The following B4GALT3 variants were observed in gnomAD, a reference collection of about 807,000 sequenced individuals.
B4GALT3 encodes the protein beta-1,4-galactosyltransferase 3.
B4GALT3 carries 29 observed loss-of-function variants against 40.7 expected under a neutral mutation model. The observed-to-expected ratio is 0.71, with a 90% confidence interval of 0.53 to 0.97. The LOEUF (loss-of-function observed/expected upper bound fraction) is 0.97, where lower values mean the gene tolerates loss of function less well. Ranked by LOEUF, B4GALT3 falls within the 50% of genes least tolerant of loss-of-function variation. The pLI is 0.00. For synonymous variants in B4GALT3, 182 were observed against 203.9 expected (o/e 0.89, Z 0.92); for missense variants, 390 against 522.3 (o/e 0.75, Z 2.47).
rs1435844224 is a variant in B4GALT3 at position 161,175,234 on chromosome 1, G to A, written c.254-6C>T. 6.2e-7 allele frequency: 1 copy of A among 1,610,116 alleles called. No homozygotes were observed. The highest frequency in any genetic ancestry group is 8.5e-7 in the Non-Finnish European group (1 of 1,177,658). On this transcript the variant is annotated splice_polypyrimidine_tract_variant and splice_region_variant and intron_variant, in intron 3 of 7. Coordinates refer to ENST00000319769, the MANE Select transcript of B4GALT3 (RefSeq NM_003779.4). ...GGACACCGACACAGGACCCACTGTT[G>A]GGAAGGAATGGCAAGTAGAGGGATC...
At chr1:161,176,374 T>C (rs1663521112) in intron 2 of B4GALT3, 60 bp downstream of exon 2, 1 of 464,720 alleles carries the variant, frequency 2.2e-6, no homozygotes, top group African/African-American at 2.0e-5. Context: ...CTCATGTTCA[T>C]TTCAGAAAGT....
At chr1:161,177,028 G>A (rs1663808467) in intron 1 of B4GALT3, 1 of 1,536,026 alleles carries the variant, frequency 6.5e-7, no homozygotes, top group Non-Finnish European at 8.7e-7. Context: ...GGAGCTCGGC[G>A]GAGAGTAGGG....
chr1:161,174,925 T>C, intron 4 of B4GALT3, 68 bp downstream of exon 4: 1 of 1,505,668 alleles, frequency 6.6e-7, no homozygotes, highest in South Asian at 1.1e-5. Flanking sequence ...TAGATGAAAG[T>C]GAAGTGGCAT....
chr1:161,171,696 C>A lies in B4GALT3; in HGVS notation c.*120G>T. The A allele has an allele frequency of 2.8e-6, 4 of 1,418,600 alleles. No individual in the cohort carries two copies. The highest frequency in any genetic ancestry group is 3.8e-6 in the Non-Finnish European group (4 of 1,043,920). 87.9% of individuals were successfully genotyped at this position (1,418,600 alleles called of 1,614,324 possible). ...GCAGTGAGGGAGAGGCCCCTACCCCCTAGCACGGCACCAGAGTTCAGTTCC... is the reference window on the plus strand; with the variant it reads ...GCAGTGAGGGAGAGGCCCCTACCCCATAGCACGGCACCAGAGTTCAGTTCC... On this transcript the variant is annotated 3_prime_UTR_variant, in exon 8 of 8. Coordinates refer to ENST00000319769, the MANE Select transcript of B4GALT3 (RefSeq NM_003779.4).
intron 6 of B4GALT3, 45 bp from the exon 7 acceptor site, chr1:161,172,376 A>G: frequency 6.5e-7 from 1 of 1,530,184 alleles, no homozygotes; most frequent in Non-Finnish European, 8.9e-7. Context: ...GAGTAGAGAA[A>G]AGCAAGGAAG....
chr1:161,176,735 A>AC, intron 1 of B4GALT3, 156 bp from the exon 2 acceptor site: 1 of 817,142 alleles, frequency 1.2e-6, no homozygotes, highest in Non-Finnish European at 1.9e-6. Context: ...CTCCCGTGCT[A>AC]CCCTGGAATG....
chr1:161,176,237 A>G (rs1663467642), intron 2 of B4GALT3, 163 bp from the exon 3 acceptor site: 1 of 786,482 alleles, frequency 1.3e-6, no homozygotes, highest in African/African-American at 1.7e-5. Flanking sequence ...AGGAAACAGA[A>G]TGTAACCACC....
upstream of B4GALT3, chr1:161,177,895 A>G (rs74414593): frequency 7.9e-5 from 12 of 152,338 alleles, no homozygotes; most frequent in African/African-American, 2.9e-4. Flanking sequence ...CTTAGTATCA[A>G]TTGTTCCTTA....
rs113974201 is a variant in B4GALT3, at chr1:161,174,095, G to A, written c.490-46C>T. 9.9e-5 allele frequency: 157 copies of A among 1,580,748 alleles called. 1 individual carries two copies. Among genetic ancestry groups the A allele is most frequent in the African/African-American group, 2.6e-4 (19 of 74,290 alleles). On this transcript the variant is annotated intron_variant, in intron 4 of 7. Coordinates refer to ENST00000319769, the MANE Select transcript of B4GALT3 (RefSeq NM_003779.4). ...ACCAGACTATGTCTGTAGGTGGCACGGAGAAAAGGGGGCTAAAGAATAAAA... is the reference window on the plus strand; with the variant it reads ...ACCAGACTATGTCTGTAGGTGGCACAGAGAAAAGGGGGCTAAAGAATAAAA...
rs1164682535 is a variant in B4GALT3 at position 161,177,461 on chromosome 1, G to C, written c.-199C>G. The C allele has an allele frequency of 5.8e-6, 1 of 173,650 alleles. No homozygotes were observed. The highest frequency in any genetic ancestry group is 2.4e-5 in the African/African-American group (1 of 42,108). The allele number at this position is 173,650 out of a possible 1,614,324, so 10.8% of individuals were successfully genotyped here. On this transcript the variant is annotated 5_prime_UTR_variant, in exon 1 of 8. Coordinates refer to ENST00000319769, the MANE Select transcript of B4GALT3 (RefSeq NM_003779.4). ...GCCTGTCGTCACCGCCACCCCAACA[G>C]CCGGGCAGGCATCGCTGCCGCCATC...
chr1:161,176,801 T>C lies in B4GALT3; in HGVS notation c.-160-222A>G, dbSNP rs189725714. 45 of 1,489,472 alleles carry C rather than the reference T, an allele frequency of 3.0e-5. 1 individual carries two copies. In the East Asian group the frequency reaches 3.7e-4, roughly 12 times the overall value. The allele number at this position is 1,489,472 out of a possible 1,614,324, so 92.3% of individuals were successfully genotyped here. On this transcript the variant is annotated intron_variant, in intron 1 of 7. Transcript: ENST00000319769. ...CGTACCCCCACCCCAACAGGACAGA[T>C]TGGGGAGTGGGGACAGGACAGCTAA...
chr1:161,176,158 G>A, intron 2 of B4GALT3, 84 bp from the exon 3 acceptor site: 1 of 1,445,576 alleles, frequency 6.9e-7, no homozygotes, highest in Non-Finnish European at 9.5e-7. Flanking sequence ...TGAAGGTGAT[G>A]CCAGGGGTAA....
Position 161,172,296 on chromosome 1 carries a change from G to A in B4GALT3, c.839C>T (p.Pro280Leu), listed in dbSNP as rs1423214974. ...RLAGMKISRPPTSVGHYKMVK... is the reference protein window; with the variant it reads ...RLAGMKISRPLTSVGHYKMVK... The stretch of plus-strand genomic sequence containing the variant: ...CATCTTATAGTGTCCTACAGATGTG[G>A]GGGGCCGAGAGATCTTCATCCCAGC... Residue 280 changes from proline to leucine, a missense_variant, in exon 7 of 8, where the codon CCC becomes CTC. Around this residue, in one of 3 missense-constraint regions of B4GALT3, gnomAD observed 135 missense variants for 227.8 expected, o/e 0.59. Transcript: ENST00000319769. 12 of 1,614,038 alleles carry A rather than the reference G, an allele frequency of 7.4e-6. No homozygotes were observed. Among genetic ancestry groups the A allele is most frequent in the Non-Finnish European group, 1.0e-5 (12 of 1,179,998 alleles).
intron 6 of B4GALT3, among the ~76,000 whole-genome samples, chr1:161,173,310 G>A (rs1662185364): frequency 1.3e-5 from 2 of 152,204 alleles, no homozygotes; most frequent in Admixed American, 1.3e-4. Flanking sequence ...CCCAGCAGAA[G>A]GCAAGACTAA....
At position 161,171,747 on chromosome 1, in the gene B4GALT3, G is replaced by A. The variant is rs1047712763; in HGVS notation, c.*69C>T. The A allele has an allele frequency of 2.6e-6, 4 of 1,567,326 alleles. No individual in the cohort carries two copies. In the Admixed American group the frequency reaches 5.1e-5, roughly 20 times the overall value. ...CTCACATCCCTCTGAGAACAGTGAGGAGCTGAGGGTGGGGAGAATACAACC... is the reference window on the plus strand; with the variant it reads ...CTCACATCCCTCTGAGAACAGTGAGAAGCTGAGGGTGGGGAGAATACAACC... On this transcript the variant is annotated 3_prime_UTR_variant, in exon 8 of 8. Coordinates refer to ENST00000319769, the MANE Select transcript of B4GALT3 (RefSeq NM_003779.4).
chr1:161,177,178 G>C, intron 1 of B4GALT3: 3 of 1,084,992 alleles, frequency 2.8e-6, no homozygotes, highest in South Asian at 3.0e-5. Context: ...ACCTAGAGGG[G>C]CGTGGTCCGC....
rs773080802 is a variant in B4GALT3, at chr1:161,171,959, G to A, written c.1039C>T (p.Arg347Trp). 11 of 1,614,160 alleles carry A rather than the reference G, an allele frequency of 6.8e-6. No homozygotes were observed. The highest frequency in any genetic ancestry group is 1.1e-5 in the South Asian group (1 of 91,084). ...GGCCCAGAAGGAGCCCGAGGACCCC[G>A]AGGGTCAGTCCCAATGTCTGCTGTG... ...NITADIGTDP[R>W]GPRAPSGPRY... is the part of the protein sequence containing the mutation. The change falls in exon 8 of 8, where the codon CGG (arginine) becomes TGG (tryptophan). Residue 347 changes from arginine (R) to tryptophan (W), a missense_variant. Coordinates refer to ENST00000319769, the MANE Select transcript of B4GALT3 (RefSeq NM_003779.4).
chr1:161,176,100 G>A, intron 2 of B4GALT3, 26 bp from the exon 3 acceptor site: 2 of 1,609,776 alleles, frequency 1.2e-6, no homozygotes, highest in Non-Finnish European at 1.7e-6. Flanking sequence ...GGAATTCTGG[G>A]GGTAGGCAGG....
At chr1:161,173,519 G>A in intron 6 of B4GALT3, 86 bp downstream of exon 6, 1 of 1,586,664 alleles carries the variant, frequency 6.3e-7, no homozygotes, top group Non-Finnish European at 8.6e-7. Flanking sequence ...CTAAAGGTTA[G>A]TGTTGAAGGG....
Sources: gnomAD v4.1 joint callset for allele counts (sites outside exome capture counted in the v4.1 genomes callset) on GRCh38, gnomAD v4.1.1 for gene constraint, gnomAD v4.1.1 regional missense constraint, MANE v1.5 for transcripts, NCBI Gene and HGNC (gene_info 2026-07-23, HGNC 2026-07-21) for gene names.